The following RANBP2 variants were observed in gnomAD, a reference collection of about 807,000 sequenced individuals.
RANBP2 encodes the protein E3 SUMO-protein ligase RanBP2.
A neutral mutation model predicts 303.6 loss-of-function variants in RANBP2; 57 were observed. That is an observed-to-expected ratio of 0.19 (90% CI 0.15 to 0.23). The LOEUF is 0.23. Ranked by LOEUF, RANBP2 falls within the 10% of genes least tolerant of loss-of-function variation. The pLI is 1.00. For missense variants in RANBP2, 3,138 were observed against 3,780.8 expected, an observed-to-expected ratio of 0.83 and a Z score of 4.46; for synonymous variants, 1,167 against 1,301.5, an observed-to-expected ratio of 0.90 and a Z score of 2.23.
chr2:108,860,935 CTTTTT>C, the RANBP2 span, among the ~76,000 whole-genome samples: 52 of 37,928 alleles, frequency 1.4e-3, 2 homozygotes, highest in East Asian at 2.8e-3. Context: ...TGGTCCAGGA[CTTTTT>C]TTTTTTTTTT....
chr2:109,588,741 T>C, the RANBP2 span, among the ~76,000 whole-genome samples: 1 of 151,428 alleles, frequency 6.6e-6, no homozygotes, highest in Non-Finnish European at 1.5e-5. Flanking sequence ...TCCACTTGCC[T>C]CAGCTTCTCA....
At chr2:109,141,775 G>C in the RANBP2 span, among the ~76,000 whole-genome samples, 1 of 152,088 alleles carries the variant, frequency 6.6e-6, no homozygotes, top group African/African-American at 2.4e-5. Context: ...CAACAGGAGG[G>C]GGTACTGGTT....
the RANBP2 span, among the ~76,000 whole-genome samples, chr2:109,508,994 C>T: frequency 8.7e-3 from 1,325 of 152,354 alleles, 25 homozygotes; most frequent in African/African-American, 0.03. Flanking sequence ...GAATACACAA[C>T]ACCAGCACAT....
At chr2:109,251,010 T>A in the RANBP2 span, among the ~76,000 whole-genome samples, 165 of 152,156 alleles carry the variant, frequency 1.1e-3, 1 homozygote, top group African/African-American at 3.8e-3. Flanking sequence ...TTTATTTATT[T>A]ATTTTTTTTG....
chr2:109,358,513 C>A, the RANBP2 span, among the ~76,000 whole-genome samples: 2 of 152,192 alleles, frequency 1.3e-5, no homozygotes, highest in East Asian at 3.8e-4. Context: ...TGCATTTCTG[C>A]CAGCCGTGAA....
At chr2:108,894,407 C>G in the RANBP2 span, 1 of 152,400 alleles carries the variant, frequency 6.6e-6, no homozygotes, top group Admixed American at 6.6e-5. Context: ...CAGAACCTTC[C>G]CCACTCACCC....
the RANBP2 span, among the ~76,000 whole-genome samples, chr2:108,963,710 C>T: frequency 6.2e-3 from 938 of 152,318 alleles, 12 homozygotes; most frequent in African/African-American, 0.022. Flanking sequence ...CAGAATGTTG[C>T]GGCCAATTCT....
At chr2:109,442,990 A>C in the RANBP2 span, among the ~76,000 whole-genome samples, 5 of 152,254 alleles carry the variant, frequency 3.3e-5, no homozygotes, top group Non-Finnish European at 7.3e-5. Context: ...TCAAGTCTAA[A>C]GACATAAATA....
the RANBP2 span, among the ~76,000 whole-genome samples, chr2:109,532,603 G>T: frequency 6.6e-6 from 1 of 152,068 alleles, no homozygotes; most frequent in African/African-American, 2.4e-5. Context: ...TGAACTCAAT[G>T]TGTCTATAAT....
downstream of RANBP2, chr2:108,786,734 T>C (rs1573873251): frequency 8.1e-6 from 10 of 1,227,738 alleles, no homozygotes; most frequent in East Asian, 1.8e-4. Flanking sequence ...GGGGGCGGGG[T>C]CTGGCACGTC....
At chr2:109,653,893 C>T in the RANBP2 span, among the ~76,000 whole-genome samples, 1,131 of 152,184 alleles carry the variant, frequency 7.4e-3, 19 homozygotes, top group African/African-American at 0.026. Flanking sequence ...AAATGTAGTC[C>T]AGTCCAACAG....
the RANBP2 span, among the ~76,000 whole-genome samples, chr2:109,181,388 C>A: frequency 9.2e-5 from 14 of 152,316 alleles, no homozygotes; most frequent in African/African-American, 3.4e-4. Context: ...AGTCTTGCCA[C>A]TCACGTCTTT....
At chr2:109,090,302 A>C in the RANBP2 span, among the ~76,000 whole-genome samples, 1 of 140,508 alleles carries the variant, frequency 7.1e-6, no homozygotes, top group East Asian at 2.2e-4. Flanking sequence ...GTTGTAGGAC[A>C]CCTCGCCTCA....
At chr2:108,760,228 A>T (rs1425465396) in intron 18 of RANBP2, among the ~76,000 whole-genome samples, 1 of 152,232 alleles carries the variant, frequency 6.6e-6, no homozygotes, top group African/African-American at 2.4e-5. Context: ...CCACCTTATT[A>T]ACATTTCCTA....
At chr2:108,954,474 A>G in the RANBP2 span, among the ~76,000 whole-genome samples, 1 of 152,106 alleles carries the variant, frequency 6.6e-6, no homozygotes, top group African/African-American at 2.4e-5. Flanking sequence ...CAGTCCTGAA[A>G]CTATCCTTGG....
the RANBP2 span, among the ~76,000 whole-genome samples, chr2:109,373,377 T>A: frequency 6.6e-6 from 1 of 152,200 alleles, no homozygotes; most frequent in Non-Finnish European, 1.5e-5. Flanking sequence ...GAAAGTTCAT[T>A]ACAATGGCCC....
At chr2:109,719,858 C>G in the RANBP2 span, among the ~76,000 whole-genome samples, 1 of 152,122 alleles carries the variant, frequency 6.6e-6, no homozygotes, top group African/African-American at 2.4e-5. Context: ...CCAGGCTTGG[C>G]CACAGTGATG....
At chr2:109,542,222 T>A in the RANBP2 span, among the ~76,000 whole-genome samples, 2 of 152,150 alleles carry the variant, frequency 1.3e-5, no homozygotes, top group African/African-American at 2.4e-5. Context: ...CATTAAAAAA[T>A]TTTTTCTTTG....
chr2:108,902,287 A>G, the RANBP2 span, among the ~76,000 whole-genome samples: 1 of 152,080 alleles, frequency 6.6e-6, no homozygotes, highest in African/African-American at 2.4e-5. Flanking sequence ...GAGGCAAGAG[A>G]ATCACTTGAA....
Sources: allele counts gnomAD v4.1 joint callset (sites outside exome capture counted in the v4.1 genomes callset), GRCh38; gene constraint gnomAD v4.1.1; transcripts MANE v1.5; gene names NCBI Gene and HGNC (gene_info 2026-07-23, HGNC 2026-07-21).